The following RNGTT variants were observed in gnomAD, a reference collection of about 807,000 sequenced individuals.
RNGTT encodes mRNA-capping enzyme.
In RNGTT, 33 loss-of-function variants were observed where a neutral mutation model predicts 79.3. The ratio of observed to expected loss-of-function variants is 0.42; its 90% CI spans 0.32 to 0.56. The LOEUF (loss-of-function observed/expected upper bound fraction) is 0.56. RNGTT is among the 20% of genes least tolerant of loss of function. The pLI is 0.17. For missense variants in RNGTT, 497 were observed against 739.1 expected, an observed-to-expected ratio of 0.67 and a Z score of 3.80; for synonymous variants, 222 against 235.9, an observed-to-expected ratio of 0.94 and a Z score of 0.54.
chr6:88,924,779 G>A (rs1300857708), intron 4 of RNGTT, among the ~76,000 whole-genome samples: 2 of 149,270 alleles, frequency 1.3e-5, no homozygotes, highest in Non-Finnish European at 3.0e-5. Flanking sequence ...AAGCTGGAGT[G>A]CAGGTGTGAT....
At chr6:88,672,775 T>C (rs1337351375) in intron 14 of RNGTT, among the ~76,000 whole-genome samples, 1 of 152,232 alleles carries the variant, frequency 6.6e-6, no homozygotes, top group East Asian at 1.9e-4. Flanking sequence ...AGCATGAAGA[T>C]GCACCAGTCT....
chr6:88,823,554 ACTT>A (rs1780563594), intron 11 of RNGTT, among the ~76,000 whole-genome samples: 1 of 152,188 alleles, frequency 6.6e-6, no homozygotes, highest in Admixed American at 6.5e-5. Flanking sequence ...TATGTAAAGA[ACTT>A]CTCCAACAAA....
chr6:88,763,010 A>G (rs1483377435), intron 13 of RNGTT, among the ~76,000 whole-genome samples: 1 of 147,600 alleles, frequency 6.8e-6, no homozygotes, highest in Non-Finnish European at 1.5e-5. Context: ...TGTAGCCCCA[A>G]CCTCCCCAGG....
At chr6:88,842,860 C>G (rs747639203) in intron 11 of RNGTT, among the ~76,000 whole-genome samples, 32 of 151,842 alleles carry the variant, frequency 2.1e-4, no homozygotes, top group Non-Finnish European at 4.0e-4. Context: ...TCACTTGAGC[C>G]CAGGAGTTGG....
chr6:88,680,742 CAAA>C (rs34670490), intron 13 of RNGTT, among the ~76,000 whole-genome samples: 2 of 80,924 alleles, frequency 2.5e-5, no homozygotes, highest in Non-Finnish European at 5.1e-5. Context: ...AACTCTATCT[CAAA>C]AAAAAAAAAA....
rs371658028 is a variant in RNGTT, at chr6:88,702,533, A to G, written c.1440-24114T>C. On this transcript the variant is annotated intron_variant, in intron 13 of 15. Coordinates refer to ENST00000369485, the MANE Select transcript of RNGTT (RefSeq NM_003800.5). ...TGCAGAAGAATGAAACTAGACCCCT[A>G]TCTTTTACCATAAACAAAAATTAAC... Among the ~76,000 whole-genome samples the G allele has an allele frequency of 4.6e-5, 7 of 152,254 alleles. No homozygotes were observed. In the East Asian group the frequency reaches 9.7e-4, roughly 21 times the overall value.
At chr6:88,737,751 C>A (rs1162721685) in intron 13 of RNGTT, among the ~76,000 whole-genome samples, 1 of 152,158 alleles carries the variant, frequency 6.6e-6, no homozygotes, top group Non-Finnish European at 1.5e-5. Flanking sequence ...CTGCTGTAAT[C>A]TTGAAATTTC....
At chr6:88,951,745 AG>A (rs1785255107) in intron 1 of RNGTT, among the ~76,000 whole-genome samples, 1 of 152,210 alleles carries the variant, frequency 6.6e-6, no homozygotes, top group Admixed American at 6.5e-5. Context: ...AAGCAGCAGC[AG>A]GAAGAGCCTT....
chr6:88,849,925 A>G (rs1781616162), intron 9 of RNGTT, 99 bp from the exon 10 acceptor site: 10 of 1,143,116 alleles, frequency 8.7e-6, no homozygotes, highest in Non-Finnish European at 1.2e-5. Flanking sequence ...CATAAACCAT[A>G]AATATACAAC....
At chr6:88,749,345 T>C (rs935106475) in intron 13 of RNGTT, among the ~76,000 whole-genome samples, 1 of 152,116 alleles carries the variant, frequency 6.6e-6, no homozygotes, top group Non-Finnish European at 1.5e-5. Flanking sequence ...TTGGAAAGGA[T>C]TACATTTCTT....
intron 8 of RNGTT, among the ~76,000 whole-genome samples, chr6:88,884,009 G>C (rs1024260731): frequency 6.6e-6 from 1 of 152,166 alleles, no homozygotes; most frequent in Non-Finnish European, 1.5e-5. Flanking sequence ...CTGTTAGCAA[G>C]GCTGTGGTGG....
intron 15 of RNGTT, among the ~76,000 whole-genome samples, chr6:88,613,266 G>T (rs1056560565): frequency 3.3e-5 from 5 of 152,114 alleles, no homozygotes; most frequent in Non-Finnish European, 7.4e-5. Context: ...CTTTCTCTCA[G>T]AAAGAAGTCT....
At chr6:88,847,539 T>C (rs550239213) in intron 10 of RNGTT, among the ~76,000 whole-genome samples, 4 of 152,286 alleles carry the variant, frequency 2.6e-5, no homozygotes, top group Non-Finnish European at 5.9e-5. Flanking sequence ...AAGAATTAAA[T>C]ATACGATACT....
intron 1 of RNGTT, 40 bp downstream of exon 1, chr6:88,963,306 T>G (rs747933495): frequency 1.2e-6 from 2 of 1,606,562 alleles, no homozygotes; most frequent in East Asian, 2.3e-5. Flanking sequence ...CCCGGGCACG[T>G]TGGAGTGTGG....
intron 8 of RNGTT, among the ~76,000 whole-genome samples, chr6:88,878,946 A>C (rs1285164429): frequency 6.6e-6 from 1 of 152,182 alleles, no homozygotes; most frequent in African/African-American, 2.4e-5. Context: ...AAACTTTTCT[A>C]GTCTAGCATC....
chr6:88,916,073 A>C (rs771974209), intron 4 of RNGTT, among the ~76,000 whole-genome samples: 1 of 152,226 alleles, frequency 6.6e-6, no homozygotes, highest in Non-Finnish European at 1.5e-5. Context: ...CCTAGTATAC[A>C]TTCATTAAAA....
intron 12 of RNGTT, 58 bp downstream of exon 12, chr6:88,801,506 G>A: frequency 7.5e-7 from 1 of 1,326,656 alleles, no homozygotes; most frequent in Non-Finnish European, 1.1e-6. Context: ...ATGTATATCT[G>A]TGTACACACA....
intron 1 of RNGTT, among the ~76,000 whole-genome samples, chr6:88,954,768 C>T (rs1347325236): frequency 4.6e-5 from 7 of 151,814 alleles, no homozygotes; most frequent in Non-Finnish European, 1.0e-4. Context: ...CACGACCAGG[C>T]GTGGTGGCTC....
At chr6:88,620,511 T>C (rs1772403293) in intron 14 of RNGTT, among the ~76,000 whole-genome samples, 1 of 152,226 alleles carries the variant, frequency 6.6e-6, no homozygotes, top group Non-Finnish European at 1.5e-5. Context: ...TTTCCAAACT[T>C]TCAACATATG....
Sources: allele counts gnomAD v4.1 joint callset (sites outside exome capture counted in the v4.1 genomes callset), GRCh38; gene constraint gnomAD v4.1.1; transcripts MANE v1.5; gene names NCBI Gene and HGNC (gene_info 2026-07-23, HGNC 2026-07-21).